PPP2R2C: variants seen among roughly 807,000 people sequenced by gnomAD.
PPP2R2C encodes protein phosphatase 2 regulatory subunit Bgamma.
A neutral mutation model predicts 45.3 loss-of-function variants in PPP2R2C; 10 were observed. The ratio of observed to expected loss-of-function variants is 0.22; its 90% CI spans 0.14 to 0.37. The LOEUF is 0.37. PPP2R2C is among the 10% of genes least tolerant of loss of function. PPP2R2C has a pLI of 1.00. For synonymous variants in PPP2R2C, 257 were observed against 245.4 expected, an observed-to-expected ratio of 1.05 and a Z score of -0.44; for missense variants, 308 against 619.7, an observed-to-expected ratio of 0.50 and a Z score of 5.34.
chr4:6,383,807 G>A (rs1187726725), intron 1 of PPP2R2C: 14 of 994,614 alleles, frequency 1.4e-5, no homozygotes, highest in African/African-American at 1.7e-5. Context: ...GTGCCTGTAT[G>A]CAGTAGCCAG....
In PPP2R2C at chr4:6,471,068, C is replaced by G. The variant is rs996178804; in HGVS notation, c.70+1092G>C. On this transcript the variant is annotated intron_variant, in intron 1 of 8. Transcript: ENST00000382599. This position sits in a 1 kb window ranked among gnomAD's most constrained non-coding sequence, Gnocchi z 5.6. ...GGAGGCGGACCCAGCCGCAGGAGCC[C>G]GGTCTCCGCCGCCTGGCCCACTCGG... 3.3e-5 allele frequency among the ~76,000 whole-genome samples: 5 copies of G among 152,172 alleles called. No homozygotes were observed. The highest frequency in any genetic ancestry group is 7.4e-5 in the Non-Finnish European group (5 of 68,016).
intron 1 of PPP2R2C, among the ~76,000 whole-genome samples, chr4:6,423,748 G>A: frequency 6.6e-6 from 1 of 152,202 alleles, no homozygotes; most frequent in Non-Finnish European, 1.5e-5. Flanking sequence ...TAGAGGGTAG[G>A]AACCAGCTTG....
intron 1 of PPP2R2C, among the ~76,000 whole-genome samples, chr4:6,558,948 C>A (rs1168101634): frequency 6.6e-6 from 1 of 152,182 alleles, no homozygotes; most frequent in Non-Finnish European, 1.5e-5. Flanking sequence ...GAATTCACCA[C>A]CCAGCCCTGC....
chr4:6,338,841 G>C (rs1032847278), intron 6 of PPP2R2C, among the ~76,000 whole-genome samples: 1 of 152,162 alleles, frequency 6.6e-6, no homozygotes, highest in Non-Finnish European at 1.5e-5. Flanking sequence ...GCTGGGCAGA[G>C]AGCAGAATGC....
At chr4:6,530,317 C>T (rs190621006) in intron 2 of PPP2R2C, among the ~76,000 whole-genome samples, 5 of 152,254 alleles carry the variant, frequency 3.3e-5, no homozygotes, top group Admixed American at 6.5e-5. Flanking sequence ...GGAGCTTATC[C>T]GCCATTTTCC....
At chr4:6,512,315 T>C (rs1723635214) in intron 2 of PPP2R2C, among the ~76,000 whole-genome samples, 1 of 109,672 alleles carries the variant, frequency 9.1e-6, no homozygotes, top group Non-Finnish European at 2.0e-5. Flanking sequence ...GTGGTGGTGA[T>C]TATGGTGGTA....
At chr4:6,383,090 G>A in intron 1 of PPP2R2C, 2 of 1,092,936 alleles carry the variant, frequency 1.8e-6, no homozygotes, top group Non-Finnish European at 2.2e-6. Flanking sequence ...CTGCAGAACG[G>A]CAATTCGACA....
intron 1 of PPP2R2C, among the ~76,000 whole-genome samples, chr4:6,537,524 C>A (rs1205182252): frequency 1.3e-5 from 2 of 149,608 alleles, no homozygotes; most frequent in Admixed American, 6.7e-5. Flanking sequence ...ACACATGCTA[C>A]AATGTAGACG....
At position 6,488,846 on chromosome 4, in the gene PPP2R2C, C is replaced by A. The variant is rs561124488; in HGVS notation, c.49+46425G>T. On this transcript the variant is annotated intron_variant, in intron 2 of 9. Transcript: ENST00000506140. ...ATTTCCTGTGAATTACAAGATTTTC[C>A]AGTCTGGCTGGTAAGAGCAGGCACT... Among the ~76,000 whole-genome samples, 14 of 152,286 alleles carry A rather than the reference C, an allele frequency of 9.2e-5. No homozygotes were observed. In the South Asian group the frequency reaches 2.7e-3, roughly 29 times the overall value.
In PPP2R2C at chr4:6,378,782, A is replaced by C. The variant is rs1211168957; in HGVS notation, c.169-210T>G. On this transcript the variant is annotated intron_variant, in intron 2 of 8. Coordinates refer to ENST00000382599, the MANE Select transcript of PPP2R2C (RefSeq NM_020416.4). The surrounding 1 kb of genome is among the most constrained non-coding windows in gnomAD (Gnocchi z 5.2). Reference sequence around the variant, plus strand: ...AGCCCCGCTCCCGTGCGGTCCCATGAAACACTCACACCCGAGCCGGCTAAC... The same window carrying C: ...AGCCCCGCTCCCGTGCGGTCCCATGCAACACTCACACCCGAGCCGGCTAAC... Among the ~76,000 whole-genome samples the C allele has an allele frequency of 6.6e-6, 1 of 151,970 alleles. No individual in the cohort carries two copies. Among genetic ancestry groups the C allele is most frequent in the Non-Finnish European group, 1.5e-5 (1 of 68,010 alleles).
rs967783821 is a variant in PPP2R2C, at chr4:6,330,287, G to A, written c.961-934C>T. 1.3e-5 allele frequency among the ~76,000 whole-genome samples: 2 copies of A among 152,198 alleles called. No individual in the cohort carries two copies. Among genetic ancestry groups the A allele is most frequent in the African/African-American group, 4.8e-5 (2 of 41,450 alleles). On this transcript the variant is annotated intron_variant, in intron 7 of 8. Coordinates refer to ENST00000382599, the MANE Select transcript of PPP2R2C (RefSeq NM_020416.4). The surrounding 1 kb of genome is among the most constrained non-coding windows in gnomAD (Gnocchi z 7.0). ...GAAGGGAAGGTAACTGGGTGCCATG[G>A]AGCCTGGTTTCAACTCCCAGGAGTT...
intron 1 of PPP2R2C, among the ~76,000 whole-genome samples, chr4:6,464,508 C>G (rs1721493823): frequency 6.6e-6 from 1 of 152,198 alleles, no homozygotes; most frequent in African/African-American, 2.4e-5. Flanking sequence ...AATCTAATGT[C>G]ACCCTGGCAC....
intron 1 of PPP2R2C, among the ~76,000 whole-genome samples, chr4:6,416,320 T>C (rs560281711): frequency 5.7e-4 from 87 of 152,278 alleles, no homozygotes; most frequent in African/African-American, 1.9e-3. Context: ...AAAGGTCACA[T>C]AAAGTCACAC....
intron 2 of PPP2R2C, among the ~76,000 whole-genome samples, chr4:6,379,712 C>G (rs967176855): frequency 1.3e-5 from 2 of 152,326 alleles, no homozygotes; most frequent in African/African-American, 4.8e-5. Flanking sequence ...GTTTGAGGAA[C>G]TGATTGGCAG....
At chr4:6,427,773 C>A (rs945188075) in intron 1 of PPP2R2C, among the ~76,000 whole-genome samples, 12 of 152,190 alleles carry the variant, frequency 7.9e-5, no homozygotes, top group Admixed American at 7.8e-4. Context: ...AGTGACTGAA[C>A]CCCCAGTCTG....
At chr4:6,476,951 A>G (rs1453329044), upstream of PPP2R2C, among the ~76,000 whole-genome samples, 6 of 152,196 alleles carry the variant, frequency 3.9e-5, no homozygotes, top group East Asian at 1.2e-3. Flanking sequence ...GTGGCTCAGC[A>G]TTCATGTGTA....
chr4:6,355,083 T>C (rs922245941), intron 5 of PPP2R2C, among the ~76,000 whole-genome samples: 1 of 152,238 alleles, frequency 6.6e-6, no homozygotes, highest in Non-Finnish European at 1.5e-5. Flanking sequence ...AATCACTGCT[T>C]ATTACATTAT....
At chr4:6,423,712 G>A (rs1250250046) in intron 1 of PPP2R2C, among the ~76,000 whole-genome samples, 3 of 152,228 alleles carry the variant, frequency 2.0e-5, no homozygotes, top group Non-Finnish European at 4.4e-5. Context: ...GGATCTCAGG[G>A]TGAGGAGGAG....
At chr4:6,452,279 T>A (rs538620485) in intron 1 of PPP2R2C, among the ~76,000 whole-genome samples, 5 of 152,250 alleles carry the variant, frequency 3.3e-5, no homozygotes, top group East Asian at 1.9e-4. Flanking sequence ...CCAGATCCTG[T>A]GAACATTGGC....
Sources: allele counts gnomAD v4.1 joint callset (sites outside exome capture counted in the v4.1 genomes callset), GRCh38; gene constraint gnomAD v4.1.1; non-coding constraint Gnocchi (gnomAD v3.1); transcripts MANE v1.5; gene names NCBI Gene and HGNC (gene_info 2026-07-23, HGNC 2026-07-21).